NALCN: variants seen among roughly 807,000 people sequenced by gnomAD.
The protein encoded by NALCN is sodium leak channel NALCN.
In NALCN, 111 loss-of-function variants were observed where a neutral mutation model predicts 225.3. That is an observed-to-expected ratio of 0.49 (90% confidence interval 0.42 to 0.58). The LOEUF is 0.58. Ranked by LOEUF, NALCN falls within the 20% of genes least tolerant of loss-of-function variation. The pLI is 0.00. For synonymous variants in NALCN, 764 were observed against 769.0 expected, an observed-to-expected ratio of 0.99 and a Z score of 0.11; for missense variants, 1,378 against 2,202.4, an observed-to-expected ratio of 0.63 and a Z score of 7.49.
chr13:101,363,647 T>C (rs1356851513), intron 6 of NALCN, among the ~76,000 whole-genome samples: 2 of 152,126 alleles, frequency 1.3e-5, no homozygotes, highest in East Asian at 3.9e-4. Context: ...AAACATTGGG[T>C]AAATGCTCCA....
chr13:101,248,399 T>C (rs944852613), intron 11 of NALCN, among the ~76,000 whole-genome samples: 5 of 152,200 alleles, frequency 3.3e-5, no homozygotes, highest in Admixed American at 6.5e-5. Context: ...TTTTACTGGC[T>C]TTTGCCTCAA....
chr13:101,134,078 G>A (rs984881318), intron 17 of NALCN, among the ~76,000 whole-genome samples: 1 of 152,150 alleles, frequency 6.6e-6, no homozygotes, highest in Admixed American at 6.5e-5. Context: ...GCTGAGGCAG[G>A]AGAATGGCGT....
intron 17 of NALCN, among the ~76,000 whole-genome samples, chr13:101,136,745 A>C (rs1426734504): frequency 1.3e-5 from 2 of 152,156 alleles, no homozygotes; most frequent in Admixed American, 1.3e-4. Context: ...TGCTATTGTG[A>C]ACAGTGCTGC....
intron 20 of NALCN, among the ~76,000 whole-genome samples, chr13:101,109,985 A>G (rs964508300): frequency 2.0e-5 from 3 of 152,196 alleles, no homozygotes; most frequent in Non-Finnish European, 4.4e-5. Context: ...ATTTTTATGA[A>G]CTTATTATCT....
intron 7 of NALCN, among the ~76,000 whole-genome samples, chr13:101,313,204 TG>T (rs2044418475): frequency 6.6e-6 from 1 of 152,036 alleles, no homozygotes. Flanking sequence ...AAGACTTACG[TG>T]TTAGACCTAA....
rs1221612760 is a variant in NALCN at position 101,202,279 on chromosome 13, T to G, written c.1627-10225A>C. Among the ~76,000 whole-genome samples, 3 of 152,206 alleles carry G rather than the reference T, an allele frequency of 2.0e-5. 1 individual carries two copies. Among genetic ancestry groups the G allele is most frequent in the Admixed American group, 2.0e-4 (3 of 15,278 alleles). ...GTATATTGGTTGGCAAAGTCATAAC[T>G]GACGGGATGAAGATCTTGTGGAGAA... On this transcript the variant is annotated intron_variant, in intron 13 of 43. Coordinates refer to ENST00000251127, the MANE Select transcript of NALCN (RefSeq NM_052867.4).
At position 101,313,605 on chromosome 13, in the gene NALCN, A is replaced by G. The variant is rs572451742; in HGVS notation, c.800-21239T>C. ...CATCACTGGCCATCAGAGAACTGCA[A>G]ATCAAAACCACAATGAGATACCATC... On this transcript the variant is annotated intron_variant, in intron 7 of 43. Coordinates refer to ENST00000251127, the MANE Select transcript of NALCN (RefSeq NM_052867.4). Among the ~76,000 whole-genome samples, 433 of 152,320 alleles carry G rather than the reference A, an allele frequency of 2.8e-3. 2 individuals carry two copies. Among genetic ancestry groups the G allele is most frequent in the African/African-American group, 9.5e-3 (395 of 41,586 alleles).
Position 101,104,495 on chromosome 13 carries a change from G to C in NALCN, c.2757+35C>G. 1 of 1,613,636 alleles carries C rather than the reference G, an allele frequency of 6.2e-7. No homozygotes were observed. The highest frequency in any genetic ancestry group is 8.5e-7 in the Non-Finnish European group (1 of 1,179,700). ...CAGCAGGTCAGTATTTTACCTCCTA[G>C]TTGTAAGCTGAGATTTTGCAGCGGT... On this transcript the variant is annotated intron_variant, in intron 24 of 43. Coordinates refer to ENST00000251127, the MANE Select transcript of NALCN (RefSeq NM_052867.4). The surrounding 1 kb of genome is among the most constrained non-coding windows in gnomAD (Gnocchi z 4.2).
At chr13:101,165,435 AC>A (rs2038391970) in intron 15 of NALCN, among the ~76,000 whole-genome samples, 1 of 152,200 alleles carries the variant, frequency 6.6e-6, no homozygotes, top group Non-Finnish European at 1.5e-5. Context: ...GTGGTAAAAA[AC>A]ATACAACATA....
chr13:101,380,459 CTT>C (rs1222324507), intron 3 of NALCN, among the ~76,000 whole-genome samples: 1 of 152,082 alleles, frequency 6.6e-6, no homozygotes, highest in African/African-American at 2.4e-5. Flanking sequence ...AAATTAGAAA[CTT>C]TAAACAGAAA....
At chr13:101,099,105 G>A (rs188598051) in intron 27 of NALCN, among the ~76,000 whole-genome samples, 35 of 146,866 alleles carry the variant, frequency 2.4e-4, no homozygotes, top group African/African-American at 9.6e-4. Context: ...TTCCTAGCAG[G>A]CTTCATCCTG....
chr13:101,137,373 T>TTCTCTC (rs144925380), intron 17 of NALCN, among the ~76,000 whole-genome samples: 1 of 150,314 alleles, frequency 6.7e-6, no homozygotes, highest in African/African-American at 2.4e-5. Flanking sequence ...CATTTGTTCA[T>TTCTCTC]TCTCTCTCTC....
intron 3 of NALCN, among the ~76,000 whole-genome samples, chr13:101,379,034 T>TAA (rs1478521843): frequency 2.0e-5 from 3 of 152,114 alleles, no homozygotes; most frequent in African/African-American, 7.2e-5. Context: ...GGAAGGTCTT[T>TAA]AAAACTGCTA....
At chr13:101,066,326 A>T (rs1460053232) in intron 39 of NALCN, among the ~76,000 whole-genome samples, 4 of 148,660 alleles carry the variant, frequency 2.7e-5, no homozygotes, top group East Asian at 3.9e-4. Flanking sequence ...AAAAAAAAAG[A>T]GCTAACTAAC....
At chr13:101,066,781 G>A (rs1465104321) in intron 39 of NALCN, among the ~76,000 whole-genome samples, 1 of 152,052 alleles carries the variant, frequency 6.6e-6, no homozygotes, top group Non-Finnish European at 1.5e-5. Flanking sequence ...CACTGCCGGA[G>A]CCCCTCATTT....
At position 101,389,256 on chromosome 13, in the gene NALCN, G is replaced by A. The variant is rs573080958; in HGVS notation, c.291+5927C>T. 2.8e-4 allele frequency among the ~76,000 whole-genome samples: 42 copies of A among 152,258 alleles called. No individual in the cohort carries two copies. In the South Asian group the frequency reaches 6.6e-3, roughly 24 times the overall value. On this transcript the variant is annotated intron_variant, in intron 3 of 43. Coordinates refer to ENST00000251127, the MANE Select transcript of NALCN (RefSeq NM_052867.4). ...AAACCCCAAAATCACTAATAAATAC[G>A]TGTGGAATGCTGAGCAGATATCTCA...
intron 1 of NALCN, among the ~76,000 whole-genome samples, chr13:101,407,376 G>A (rs2047654527): frequency 6.6e-6 from 1 of 152,164 alleles, no homozygotes; most frequent in African/African-American, 2.4e-5. Flanking sequence ...CTTTGCAATA[G>A]ATGATATCCA....
chr13:101,402,534 T>C (rs907274663), intron 1 of NALCN, among the ~76,000 whole-genome samples: 2 of 152,188 alleles, frequency 1.3e-5, no homozygotes, highest in Non-Finnish European at 2.9e-5. Context: ...TGCAACACTA[T>C]GGGTCATTTC....
chr13:101,102,615 A>G (rs1195677685), intron 26 of NALCN, among the ~76,000 whole-genome samples: 1 of 152,230 alleles, frequency 6.6e-6, no homozygotes, highest in East Asian at 1.9e-4. Flanking sequence ...CCAGCTAGAA[A>G]GTACGTTTTG....
Sources: allele counts gnomAD v4.1 joint callset (sites outside exome capture counted in the v4.1 genomes callset), GRCh38; gene constraint gnomAD v4.1.1; non-coding constraint Gnocchi (gnomAD v3.1); transcripts MANE v1.5; gene names NCBI Gene and HGNC (gene_info 2026-07-23, HGNC 2026-07-21).